EBF4: variants seen among roughly 807,000 people sequenced by gnomAD.
EBF4 encodes the protein transcription factor COE4.
A neutral mutation model predicts 67.1 loss-of-function variants in EBF4; 34 were observed. That is an observed-to-expected ratio of 0.51 (90% CI 0.39 to 0.67). The LOEUF (loss-of-function observed/expected upper bound fraction) is 0.67, where lower values mean the gene tolerates loss of function less well. EBF4 is among the 30% of genes least tolerant of loss of function. The pLI, the probability that EBF4 is intolerant of heterozygous loss-of-function variation, is 0.00. For missense variants in EBF4, 837 were observed against 873.3 expected, an observed-to-expected ratio of 0.96 and a Z score of 0.52; for synonymous variants, 387 against 377.7, an observed-to-expected ratio of 1.02 and a Z score of -0.29.
chr20:2,699,012 G>A (rs2087337571), intron 1 of EBF4, among the ~76,000 whole-genome samples: 1 of 152,164 alleles, frequency 6.6e-6, no homozygotes, highest in Admixed American at 6.5e-5. Context: ...AGAGCCGTGA[G>A]TGGCCTTGGG....
rs1018753930 is a variant in EBF4 at position 2,758,973 on chromosome 20, C to T, written c.1803C>T (p.Tyr601=). ...CCCGGGGGCTTCAGGGCCTGGCATA[C>T]TCCTAATTACGGTAGGTCTCTGGCT... Residue 601 remains tyrosine (Y), a synonymous_variant, in exon 16 of 17, where the codon TAC becomes TAT. Transcript: ENST00000609451. 9 of 1,551,700 alleles carry T rather than the reference C, an allele frequency of 5.8e-6. No homozygotes were observed. In the African/African-American group the frequency reaches 1.1e-4, roughly 19 times the overall value.
In EBF4 at chr20:2,693,959, C is replaced by T. The variant is rs909320766; in HGVS notation, c.137+177C>T. ...TGTGCTGCCTCCTGAGGCTGTGGGG[C>T]GGGCTGGGGCGGGGCTTCTGCCTCC... On this transcript the variant is annotated intron_variant, in intron 1 of 16. Coordinates refer to ENST00000609451, the Ensembl canonical transcript of EBF4. The surrounding 1 kb of genome is among the most constrained non-coding windows in gnomAD (Gnocchi z 4.6). 4.6e-5 allele frequency among the ~76,000 whole-genome samples: 7 copies of T among 151,810 alleles called. No homozygotes were observed. Among genetic ancestry groups the T allele is most frequent in the African/African-American group, 1.7e-4 (7 of 41,174 alleles).
At chr20:2,711,286 C>T (rs995592486) in intron 6 of EBF4, among the ~76,000 whole-genome samples, 6 of 152,066 alleles carry the variant, frequency 3.9e-5, no homozygotes, top group African/African-American at 1.5e-4. Flanking sequence ...CAAGAAGTCT[C>T]CTTATTCTTT....
chr20:2,694,728 C>T (rs996591231), intron 1 of EBF4, among the ~76,000 whole-genome samples: 3 of 152,126 alleles, frequency 2.0e-5, no homozygotes, highest in African/African-American at 7.2e-5. Flanking sequence ...GGGCTTAATG[C>T]AGACCGGGCC....
At chr20:2,759,612 G>GT (rs1261012779), downstream of EBF4, 1 of 153,366 alleles carries the variant, frequency 6.5e-6, no homozygotes, top group East Asian at 1.9e-4. Context: ...TGAGTGAGGG[G>GT]AGCGTGGGAT....
At chr20:2,738,922 A>T (rs1056068112) in intron 6 of EBF4, among the ~76,000 whole-genome samples, 1 of 152,168 alleles carries the variant, frequency 6.6e-6, no homozygotes, top group Non-Finnish European at 1.5e-5. Flanking sequence ...ATGCTAATGT[A>T]TGCGCCCTGG....
At chr20:2,703,759 A>C (rs2087410752) in intron 1 of EBF4, among the ~76,000 whole-genome samples, 2 of 152,210 alleles carry the variant, frequency 1.3e-5, no homozygotes, top group South Asian at 4.1e-4. Flanking sequence ...AACTTAAAAC[A>C]ACAAACATTT....
intron 6 of EBF4, among the ~76,000 whole-genome samples, chr20:2,737,300 G>A (rs188878292): frequency 4.0e-5 from 6 of 151,544 alleles, no homozygotes; most frequent in Admixed American, 2.0e-4. Context: ...GAGGGGGACC[G>A]CAGGCATGAG....
chr20:2,758,713 G>C (rs2088280391), intron 15 of EBF4, 196 bp from the exon 16 acceptor site: 1 of 614,608 alleles, frequency 1.6e-6, no homozygotes, highest in Admixed American at 2.7e-5. Context: ...CAAGGGCGTG[G>C]GCTGCATCCC....
chr20:2,701,688 AAGGCTTCCTTTTCTCTCTAT>A (rs1413335664), intron 1 of EBF4, among the ~76,000 whole-genome samples: 1 of 152,226 alleles, frequency 6.6e-6, no homozygotes, highest in Non-Finnish European at 1.5e-5. Context: ...CTCCTCTGGC[AAGGCTTCCTTTTCTCTCTAT>A]AGCCTCCCTC....
intron 6 of EBF4, among the ~76,000 whole-genome samples, chr20:2,722,682 G>A (rs1185305034): frequency 6.6e-6 from 1 of 152,192 alleles, no homozygotes; most frequent in Admixed American, 6.5e-5. Context: ...GTAAGGTTTA[G>A]CCTGTTTATT....
intron 6 of EBF4, among the ~76,000 whole-genome samples, chr20:2,731,695 G>A (rs1432015872): frequency 2.0e-5 from 3 of 152,176 alleles, no homozygotes; most frequent in Non-Finnish European, 2.9e-5. Context: ...AACAAACCAA[G>A]TTTTTCTCTG....
chr20:2,712,806 G>A (rs1233174209), intron 6 of EBF4, among the ~76,000 whole-genome samples: 1 of 152,164 alleles, frequency 6.6e-6, no homozygotes, highest in African/African-American at 2.4e-5. Flanking sequence ...GAAGTCAGGG[G>A]AGTGTCGTGT....
rs1425690434 is a variant in EBF4, at chr20:2,696,185, G to A, written c.137+2403G>A. Among the ~76,000 whole-genome samples the A allele has an allele frequency of 6.6e-6, 1 of 152,196 alleles. No homozygotes were observed. Among genetic ancestry groups the A allele is most frequent in the Admixed American group, 6.5e-5 (1 of 15,282 alleles). On this transcript the variant is annotated intron_variant, in intron 1 of 16. Transcript: ENST00000609451. The surrounding 1 kb of genome is among the most constrained non-coding windows in gnomAD (Gnocchi z 4.7). ...GTCTCTCTCCGATTACAAATAAAGT[G>A]ACCAGGCTGGGCGCGGTGGCTCACG...
Position 2,734,685 on chromosome 20 carries a change from T to G in EBF4, c.558-13864T>G, listed in dbSNP as rs1422745438. On this transcript the variant is annotated intron_variant, in intron 6 of 16. Coordinates refer to ENST00000609451, the Ensembl canonical transcript of EBF4. ...TATATAAAGTCTATATTTCCTGTCATGTATAATCACTGAAGTTTCTGCTCT... is the reference window on the plus strand; with the variant it reads ...TATATAAAGTCTATATTTCCTGTCAGGTATAATCACTGAAGTTTCTGCTCT... Among the ~76,000 whole-genome samples the G allele has an allele frequency of 2.8e-4, 42 of 152,266 alleles. 2 individuals carry two copies. The highest frequency in any genetic ancestry group is 2.7e-3 in the Admixed American group (42 of 15,294).
intron 6 of EBF4, among the ~76,000 whole-genome samples, chr20:2,736,125 T>C (rs1416192059): frequency 1.3e-5 from 2 of 152,178 alleles, no homozygotes; most frequent in Admixed American, 1.3e-4. Flanking sequence ...ACATCACAGC[T>C]CTAAGACTTT....
In EBF4 at chr20:2,755,366, T is replaced by C. The variant is rs2088225388; in HGVS notation, c.1541-261T>C. 2.0e-6 allele frequency: 1 copy of C among 491,652 alleles called. No homozygotes were observed. Among genetic ancestry groups the C allele is most frequent in the South Asian group, 3.4e-5 (1 of 29,510 alleles). 30.5% of individuals were successfully genotyped at this position (491,652 alleles called of 1,614,324 possible). A position where few individuals can be genotyped will look rare whatever the true frequency, so the allele number is the denominator to read the frequency against. On this transcript the variant is annotated intron_variant, in intron 14 of 16. Transcript: ENST00000609451. The surrounding 1 kb of genome is among the most constrained non-coding windows in gnomAD (Gnocchi z 4.7). ...TTGGGGGGTACCTCCCACTGTTTGT[T>C]TTTTTTGAATGTTCTGGTTTTGCTT...
At chr20:2,717,260 G>A (rs1412060414) in intron 6 of EBF4, among the ~76,000 whole-genome samples, 2 of 152,012 alleles carry the variant, frequency 1.3e-5, no homozygotes, top group African/African-American at 2.4e-5. Context: ...CACTTACCAG[G>A]TTCTAGGCTT....
rs1252576559 is a variant in EBF4 at position 2,739,899 on chromosome 20, A to G, written c.558-8650A>G. Among the ~76,000 whole-genome samples, 1 of 152,236 alleles carries G rather than the reference A, an allele frequency of 6.6e-6. No individual in the cohort carries two copies. Among genetic ancestry groups the G allele is most frequent in the Non-Finnish European group, 1.5e-5 (1 of 68,044 alleles). ...CTGTCTTTCCCAAGGCCTTCACAGG[A>G]CACACTGTTGTTTGGAACATCCTGC... On this transcript the variant is annotated intron_variant, in intron 6 of 16. Transcript: ENST00000609451. The surrounding 1 kb of genome is among the most constrained non-coding windows in gnomAD (Gnocchi z 4.5).
Sources: gnomAD v4.1 joint callset for allele counts (sites outside exome capture counted in the v4.1 genomes callset) on GRCh38, gnomAD v4.1.1 for gene constraint, Gnocchi (gnomAD v3.1) non-coding constraint, MANE v1.5 for transcripts, NCBI Gene and HGNC (gene_info 2026-07-23, HGNC 2026-07-21) for gene names.